Variants in EGLN1 observed in about 807,000 individuals in gnomAD.
The protein encoded by EGLN1 is egl-9 family hypoxia inducible factor 1.
A neutral mutation model predicts 38.3 loss-of-function variants in EGLN1; 17 were observed. That is an observed-to-expected ratio of 0.44 (90% confidence interval 0.30 to 0.67). The LOEUF (loss-of-function observed/expected upper bound fraction) is 0.67, where lower values mean the gene tolerates loss of function less well. EGLN1 is among the 30% of genes least tolerant of loss of function. The pLI, the probability that EGLN1 is intolerant of heterozygous loss-of-function variation, is 0.08. For synonymous variants in EGLN1, 283 were observed against 257.5 expected (o/e 1.10, Z -0.95); for missense variants, 477 against 603.3 (o/e 0.79, Z 2.19).
chr1:231,374,051 C>T lies in EGLN1; in HGVS notation c.940G>A (p.Val314Ile). 6.2e-7 allele frequency: 1 copy of T among 1,613,624 alleles called. No homozygotes were observed. The change falls in exon 2 of 5, where the codon GTT becomes ATT. Residue 314 changes from valine to isoleucine, a missense_variant. Val to Ile is a conservative substitution (Grantham distance 29). Coordinates refer to ENST00000366641, the MANE Select transcript of EGLN1 (RefSeq NM_022051.3). ...PGNGTGYVRH[V>I]DNPNGDGRCV... Reference sequence around the variant, plus strand: ...CTTCCATCTCCATTTGGATTATCAACATGACGTACATAACCCGTTCCATTG... The same window carrying T: ...CTTCCATCTCCATTTGGATTATCAATATGACGTACATAACCCGTTCCATTG...
At position 231,421,665 on chromosome 1, in the gene EGLN1, G is replaced by A. The variant is rs1323197260; in HGVS notation, c.224C>T (p.Ser75Phe). The change falls in exon 1 of 5, where the codon TCC (serine) becomes TTC (phenylalanine). Residue 75 changes from serine (S) to phenylalanine (F), a missense_variant. Physicochemically the swap from Ser to Phe is radical, Grantham distance 155. Coordinates refer to ENST00000366641, the MANE Select transcript of EGLN1 (RefSeq NM_022051.3). The surrounding 1 kb of genome is among the most constrained non-coding windows in gnomAD (Gnocchi z 5.5). ...LGHGVGPHQH[S>F]GPAPPAAVPP... is the part of the protein sequence containing the mutation. ...CACTGCAGCCGGCGGCGCGGGGCCG[G>A]AATGCTGGTGTGGGCCCACTCCGTG... 4.1e-6 allele frequency: 6 copies of A among 1,468,906 alleles called. No homozygotes were observed. Among genetic ancestry groups the A allele is most frequent in the Non-Finnish European group, 4.5e-6 (5 of 1,114,780 alleles). The allele number at this position is 1,468,906 out of a possible 1,614,324, so 91.0% of individuals were successfully genotyped here.
intron 1 of EGLN1, among the ~76,000 whole-genome samples, chr1:231,404,186 A>G (rs1397256301): frequency 6.6e-6 from 1 of 152,162 alleles, no homozygotes; most frequent in Non-Finnish European, 1.5e-5. Context: ...TTTCTTAAGG[A>G]CAACACAGGC....
At chr1:231,398,139 C>T (rs1688578339) in intron 1 of EGLN1, among the ~76,000 whole-genome samples, 1 of 152,056 alleles carries the variant, frequency 6.6e-6, no homozygotes, top group African/African-American at 2.4e-5. Context: ...CACTTAAAAC[C>T]GAAATATTTT....
intron 1 of EGLN1, among the ~76,000 whole-genome samples, chr1:231,391,128 G>A (rs1292163628): frequency 2.0e-5 from 3 of 151,576 alleles, no homozygotes; most frequent in East Asian, 1.9e-4. Context: ...GTGTGTGTGT[G>A]TGTGTGAGAC....
rs920027770 is a variant in EGLN1, at chr1:231,421,660, G to A, written c.229C>T (p.Pro77Ser). 1.4e-6 allele frequency: 2 copies of A among 1,465,966 alleles called. No homozygotes were observed. Among genetic ancestry groups the A allele is most frequent in the South Asian group, 2.6e-5 (2 of 76,974 alleles). 90.8% of individuals were successfully genotyped at this position (1,465,966 alleles called of 1,614,324 possible). A position where few individuals can be genotyped will look rare whatever the true frequency, so the allele number is the denominator to read the frequency against. ...HGVGPHQHSG[P>S]APPAAVPPPR... ...GGCGGCACTGCAGCCGGCGGCGCGG[G>A]GCCGGAATGCTGGTGTGGGCCCACT... Residue 77 changes from proline to serine, a missense_variant, in exon 1 of 5, where the codon CCC (proline) becomes TCC (serine). This residue lies in a region of EGLN1 where 298 missense variants were observed against 288.9 expected (regional missense o/e 1.03). Coordinates refer to ENST00000366641, the MANE Select transcript of EGLN1 (RefSeq NM_022051.3). The surrounding 1 kb of genome is among the most constrained non-coding windows in gnomAD (Gnocchi z 5.5).
chr1:231,388,261 A>G (rs1380966946), intron 1 of EGLN1, among the ~76,000 whole-genome samples: 1 of 126,036 alleles, frequency 7.9e-6, no homozygotes, highest in Non-Finnish European at 1.8e-5. Flanking sequence ...AATTAAATTG[A>G]GAGAACTGTA....
At chr1:231,419,938 ATC>A (rs1202700166) in intron 1 of EGLN1, among the ~76,000 whole-genome samples, 1 of 152,188 alleles carries the variant, frequency 6.6e-6, no homozygotes, top group African/African-American at 2.4e-5. Context: ...TCCCAGGTCA[ATC>A]TCTCAAAACC....
At chr1:231,393,412 C>T (rs920435090) in intron 1 of EGLN1, among the ~76,000 whole-genome samples, 1 of 152,194 alleles carries the variant, frequency 6.6e-6, no homozygotes, top group Non-Finnish European at 1.5e-5. Flanking sequence ...GATTTGGAAT[C>T]GGAGAGATCT....
chr1:231,418,939 T>C (rs1656450520), intron 1 of EGLN1, among the ~76,000 whole-genome samples: 1 of 152,112 alleles, frequency 6.6e-6, no homozygotes, highest in South Asian at 2.1e-4. Context: ...GGTTGGTTGC[T>C]CAATATACGG....
chr1:231,398,449 C>A (rs1380120832), intron 1 of EGLN1, among the ~76,000 whole-genome samples: 1 of 152,114 alleles, frequency 6.6e-6, no homozygotes, highest in African/African-American at 2.4e-5. Flanking sequence ...TAGGTGCATA[C>A]CACCATGCCC....
chr1:231,374,891 T>TG (rs1558380049), intron 1 of EGLN1, among the ~76,000 whole-genome samples: 1 of 152,162 alleles, frequency 6.6e-6, no homozygotes, highest in Non-Finnish European at 1.5e-5. Context: ...AGAAGACTGT[T>TG]GGATGTTAAG....
At chr1:231,370,486 G>A in intron 3 of EGLN1, 76 bp downstream of exon 3, 1 of 1,499,198 alleles carries the variant, frequency 6.7e-7, no homozygotes, top group Non-Finnish European at 9.3e-7. Context: ...TCATTAGAAA[G>A]CTTTCACGTT....
chr1:231,388,079 A>G (rs1688266835), intron 1 of EGLN1, among the ~76,000 whole-genome samples: 2 of 152,202 alleles, frequency 1.3e-5, no homozygotes, highest in Admixed American at 6.5e-5. Flanking sequence ...TGTCTTGTTG[A>G]CAAAAGAGGA....
chr1:231,381,200 C>T lies in EGLN1; in HGVS notation c.892-7101G>A, dbSNP rs774637863. 4.6e-5 allele frequency among the ~76,000 whole-genome samples: 7 copies of T among 152,304 alleles called. No individual in the cohort carries two copies. In the South Asian group the frequency reaches 6.2e-4, roughly 14 times the overall value. On this transcript the variant is annotated intron_variant, in intron 1 of 4. Coordinates refer to ENST00000366641, the MANE Select transcript of EGLN1 (RefSeq NM_022051.3). ...GGGATTACAGGTGTGAGCCACCACA[C>T]CTGGCCCCCTACTGATTTTTAAGAG... is the stretch of plus-strand genomic sequence containing the variant.
intron 1 of EGLN1, among the ~76,000 whole-genome samples, chr1:231,419,649 C>T (rs538723031): frequency 2.2e-4 from 34 of 152,258 alleles, no homozygotes; most frequent in African/African-American, 7.7e-4. Flanking sequence ...CTTTTCCTTC[C>T]AGTTTAATAT....
chr1:231,369,539 T>C (rs1558377585), intron 3 of EGLN1: 2 of 984,696 alleles, frequency 2.0e-6, no homozygotes, highest in Non-Finnish European at 2.4e-6. Flanking sequence ...CAGTCTTTCT[T>C]TGGTTTCCAT....
At chr1:231,410,857 G>T in intron 1 of EGLN1, among the ~76,000 whole-genome samples, 1 of 111,736 alleles carries the variant, frequency 8.9e-6, no homozygotes, top group South Asian at 3.5e-4. Context: ...TCTAAGGGGT[G>T]GGGGGCGGGG....
chr1:231,420,344 G>C (rs981020727), intron 1 of EGLN1: 1 of 154,816 alleles, frequency 6.5e-6, no homozygotes, highest in Non-Finnish European at 1.4e-5. Context: ...TGAGAGGCCT[G>C]AAGACGGAAA....
intron 1 of EGLN1, among the ~76,000 whole-genome samples, chr1:231,396,516 T>A (rs1023978747): frequency 1.3e-5 from 2 of 152,128 alleles, no homozygotes; most frequent in Non-Finnish European, 2.9e-5. Flanking sequence ...CCTCCCAAAG[T>A]GCTGGGATTA....
Sources: gnomAD v4.1 joint callset for allele counts (sites outside exome capture counted in the v4.1 genomes callset) on GRCh38, gnomAD v4.1.1 for gene constraint, gnomAD v4.1.1 regional missense constraint, Gnocchi (gnomAD v3.1) non-coding constraint, MANE v1.5 for transcripts, NCBI Gene and HGNC (gene_info 2026-07-23, HGNC 2026-07-21) for gene names.